Variants in DENND1C observed in about 807,000 individuals in gnomAD.
DENND1C encodes DENN domain-containing protein 1C.
DENND1C carries 64 observed loss-of-function variants against 87.9 expected under a neutral mutation model. The ratio of observed to expected loss-of-function variants is 0.73; its 90% CI spans 0.60 to 0.90. DENND1C has a LOEUF of 0.90. DENND1C is among the 40% of genes least tolerant of loss of function. The probability of loss-of-function intolerance (pLI) is 0.00; values close to 1 mark genes in which losing one functional copy is unlikely to be tolerated. For missense variants in DENND1C, 980 were observed against 1,037.0 expected, an observed-to-expected ratio of 0.95 and a Z score of 0.76; for synonymous variants, 384 against 424.4, an observed-to-expected ratio of 0.90 and a Z score of 1.17.
At position 6,477,201 on chromosome 19, in the gene DENND1C, C is replaced by T. The variant is rs758187283; in HGVS notation, c.513+17G>A. On this transcript the variant is annotated intron_variant, in intron 8 of 22. Transcript: ENST00000381480. Reference sequence around the variant, plus strand: ...ACCTGGACCCCCGACCTTCCAGGGTCCCCGAGCCCCGCTCACCGGCTTGCT... The same window carrying T: ...ACCTGGACCCCCGACCTTCCAGGGTTCCCGAGCCCCGCTCACCGGCTTGCT... 3.8e-6 allele frequency: 6 copies of T among 1,587,360 alleles called. No homozygotes were observed. The African/African-American group carries it at 6.8e-5, about 18-fold the overall frequency.
chr19:6,475,966 A>G, intron 10 of DENND1C, 29 bp from the exon 11 acceptor site: 1 of 1,529,960 alleles, frequency 6.5e-7, no homozygotes, highest in Non-Finnish European at 8.7e-7. Context: ...GCGTGGAGTC[A>G]GGGCCTGGAC....
At chr19:6,479,082 G>A in intron 4 of DENND1C, 26 bp from the exon 5 acceptor site, 1 of 1,613,286 alleles carries the variant, frequency 6.2e-7, no homozygotes, top group South Asian at 1.1e-5. Flanking sequence ...CTGTTAGAGA[G>A]ACCTGGACAT....
At chr19:6,478,001 G>T (rs768475999) in intron 6 of DENND1C, among the ~76,000 whole-genome samples, 1 of 151,830 alleles carries the variant, frequency 6.6e-6, no homozygotes, top group African/African-American at 2.4e-5. Flanking sequence ...CCTGAACCCG[G>T]AATGCGGAGG....
At chr19:6,476,760 C>A (rs1039411618) in intron 10 of DENND1C, 97 bp downstream of exon 10, 7 of 1,257,156 alleles carry the variant, frequency 5.6e-6, no homozygotes, top group Middle Eastern at 2.6e-4. Context: ...TCGGGTCTCG[C>A]GCAGTAGGGT....
chr19:6,468,714 G>C (rs2092810770), intron 20 of DENND1C, 69 bp from the exon 21 acceptor site: 1 of 1,392,418 alleles, frequency 7.2e-7, no homozygotes, highest in African/African-American at 1.4e-5. Flanking sequence ...TGCTGGAGAA[G>C]GGTGAGTGTG....
chr19:6,470,612 T>A (rs1057091657), intron 17 of DENND1C, among the ~76,000 whole-genome samples: 1 of 124,056 alleles, frequency 8.1e-6, no homozygotes, highest in South Asian at 2.3e-4. Context: ...AAAGAACAGT[T>A]TTTTTTTGTT....
At position 6,467,382 on chromosome 19, in the gene DENND1C, TG is replaced by T; in HGVS notation, c.*121del. ...GAGGCTGCCCTTGGAGGGACAGAGG[TG>T]GGTGGGATGGATTTCCGAGCAGAGT... On this transcript the variant is annotated 3_prime_UTR_variant, in exon 23 of 23. Coordinates refer to ENST00000381480, the MANE Select transcript of DENND1C (RefSeq NM_024898.4). The T allele has an allele frequency of 1.5e-6, 2 of 1,302,092 alleles. No homozygotes were observed. Among genetic ancestry groups the T allele is most frequent in the Middle Eastern group, 3.0e-4 (1 of 3,386 alleles). 80.7% of individuals were successfully genotyped at this position (1,302,092 alleles called of 1,614,324 possible).
Position 6,471,579 on chromosome 19 carries a change from T to C in DENND1C, c.1159-83A>G, listed in dbSNP as rs369875629. The C allele has an allele frequency of 3.3e-4, 440 of 1,320,786 alleles. 2 individuals carry two copies. The African/African-American group carries it at 5.8e-3, about 18-fold the overall frequency. 81.8% of individuals were successfully genotyped at this position (1,320,786 alleles called of 1,614,324 possible). ...TCGAAGCCTGCCTGCTGTCAAGATG[T>C]AGAAGCCATCTCTGGCCTCCAACCT... On this transcript the variant is annotated intron_variant, in intron 15 of 22. Transcript: ENST00000381480.
chr19:6,471,313 A>T lies in DENND1C; in HGVS notation c.1250-8T>A. 1.9e-6 allele frequency: 3 copies of T among 1,597,472 alleles called. No homozygotes were observed. Among genetic ancestry groups the T allele is most frequent in the Non-Finnish European group, 2.6e-6 (3 of 1,172,074 alleles). On this transcript the variant is annotated splice_region_variant and splice_polypyrimidine_tract_variant and intron_variant, in intron 16 of 22. Transcript: ENST00000381480. ...GATAGGATCGAAGGGCCCCTGGGGTAAGGAGAGAGTGTGGTGGTCACCGAA... is the reference window on the plus strand; with the variant it reads ...GATAGGATCGAAGGGCCCCTGGGGTTAGGAGAGAGTGTGGTGGTCACCGAA...
chr19:6,476,639 G>T, intron 10 of DENND1C: 1 of 559,526 alleles, frequency 1.8e-6, no homozygotes, highest in Non-Finnish European at 3.2e-6. Flanking sequence ...GGTGGAGCCT[G>T]AGCACAGTAC....
chr19:6,468,936 C>A lies in DENND1C; in HGVS notation c.1425G>T (p.Leu475=). 6.9e-7 allele frequency: 1 copy of A among 1,452,478 alleles called. No homozygotes were observed. Among genetic ancestry groups the A allele is most frequent in the Non-Finnish European group, 9.0e-7 (1 of 1,105,590 alleles). The allele number at this position is 1,452,478 out of a possible 1,614,324, so 90.0% of individuals were successfully genotyped here. The change falls in exon 20 of 23, where the codon CTG becomes CTT. Residue 475 remains leucine (L), a synonymous_variant. Transcript: ENST00000381480. ...LLMYKDGDSV[L]QRGGSLRAPA... is the part of the protein sequence containing the mutation. ...GGGCCCTCAGAGAGCCCCCCCTCTGCAGGACAGAGTCCCCATCCTAGGAAG... is the reference window on the plus strand; with the variant it reads ...GGGCCCTCAGAGAGCCCCCCCTCTGAAGGACAGAGTCCCCATCCTAGGAAG...
At chr19:6,469,723 G>GT in intron 18 of DENND1C, 83 bp from the exon 19 acceptor site, 4 of 1,468,904 alleles carry the variant, frequency 2.7e-6, no homozygotes, top group Non-Finnish European at 2.8e-6. Flanking sequence ...CCCTAAGATA[G>GT]CTTTTTTTTT....
Position 6,468,893 on chromosome 19 carries a change from A to C in DENND1C, c.1468T>G (p.Ser490Ala). Reference protein sequence around the residue: ...SLRAPALPSRSDRLQQRLPIT... With the variant: ...SLRAPALPSRADRLQQRLPIT... Reference sequence around the variant, plus strand: ...GGGAGGCGTTGCTGCAGGCGGTCTGAGCGGCTGGGGAGGGCTGGGGCCCTC... The same window carrying C: ...GGGAGGCGTTGCTGCAGGCGGTCTGCGCGGCTGGGGAGGGCTGGGGCCCTC... The change falls in exon 20 of 23, where the codon TCA (serine) becomes GCA (alanine). Residue 490 changes from serine (S) to alanine (A), a missense_variant. Physicochemically the swap from Ser to Ala is moderately conservative, Grantham distance 99. Transcript: ENST00000381480. The C allele has an allele frequency of 6.7e-7, 1 of 1,503,116 alleles. No individual in the cohort carries two copies. 93.1% of individuals were successfully genotyped at this position (1,503,116 alleles called of 1,614,324 possible). A position where few individuals can be genotyped will look rare whatever the true frequency, so the allele number is the denominator to read the frequency against.
Position 6,468,322 on chromosome 19 carries a change from C to T in DENND1C, c.1703G>A (p.Ser568Asn), listed in dbSNP as rs1568392074. The change falls in exon 22 of 23, where the codon AGC (serine) becomes AAC (asparagine). Residue 568 changes from serine (S) to asparagine (N), a missense_variant. Physicochemically the swap from Ser to Asn is conservative, Grantham distance 46. Coordinates refer to ENST00000381480, the MANE Select transcript of DENND1C (RefSeq NM_024898.4). ...GCTGCCTGCGCTCTTGGCTCCCATGCTAAGACTGTCCAGAATCTCGCTCAA... is the reference window on the plus strand; with the variant it reads ...GCTGCCTGCGCTCTTGGCTCCCATGTTAAGACTGTCCAGAATCTCGCTCAA... ...DLLSEILDSL[S>N]MGAKSAGSLR... 6.2e-7 allele frequency: 1 copy of T among 1,613,846 alleles called. No homozygotes were observed. Among genetic ancestry groups the T allele is most frequent in the East Asian group, 2.2e-5 (1 of 44,876 alleles).
intron 3 of DENND1C, 33 bp from the exon 4 acceptor site, chr19:6,479,751 C>T: frequency 6.2e-7 from 1 of 1,613,324 alleles, no homozygotes; most frequent in Non-Finnish European, 8.5e-7. Context: ...ACTGCTTGGC[C>T]ACTGAGGTCG....
chr19:6,481,670 G>A lies in DENND1C; in HGVS notation c.17+9C>T, dbSNP rs200463272. 69 of 1,610,796 alleles carry A rather than the reference G, an allele frequency of 4.3e-5. No individual in the cohort carries two copies. The East Asian group carries it at 1.5e-3, about 34-fold the overall frequency. On this transcript the variant is annotated intron_variant, in intron 1 of 22. Transcript: ENST00000381480. Reference sequence around the variant, plus strand: ...TGTACCAGAGAATGAGGGATGGGGTGGCTCTTACTCAGCTCTGGATTCCAT... The same window carrying A: ...TGTACCAGAGAATGAGGGATGGGGTAGCTCTTACTCAGCTCTGGATTCCAT...
In DENND1C at chr19:6,477,254, C is replaced by T. The variant is rs1380467835; in HGVS notation, c.477G>A (p.Gln159=). The change falls in exon 8 of 23, where the codon CAG becomes CAA. Residue 159 remains glutamine (Q), a synonymous_variant. Transcript: ENST00000381480. ...LGSGVTVSSG[Q]GIPPPTRGNS... ...TCCCCCGGGTAGGGGGGGGGATACC[C>T]TGCCCGCTGGAGACCGTCACTCCGC... 2.5e-6 allele frequency: 4 copies of T among 1,584,316 alleles called. No individual in the cohort carries two copies. Among genetic ancestry groups the T allele is most frequent in the Admixed American group, 1.8e-5 (1 of 55,610 alleles).
In DENND1C at chr19:6,480,017, C is replaced by A. The variant is rs372498127; in HGVS notation, c.52G>T (p.Glu18Ter). Residue 18 changes from glutamate (E) to a stop codon, truncating the protein, a stop_gained, in exon 2 of 23, where the codon GAA (glutamate) becomes TAA (stop). Transcript: ENST00000381480. LOFTEE classifies it high-confidence loss of function. ...GSPAVFDWFF[E>*]AACPASLQED... ...TGCAGGGAGGCAGGGCAGGCCGCTT[C>A]GAAGAACCAATCAAACACAGCAGGG... 2.5e-6 allele frequency: 4 copies of A among 1,607,158 alleles called. No homozygotes were observed. The highest frequency in any genetic ancestry group is 3.4e-6 in the Non-Finnish European group (4 of 1,177,032).
rs371219873 is a variant in DENND1C, at chr19:6,476,924, A to T, written c.611T>A (p.Ile204Asn). ...ELVVAVTDEN[I>N]VGLFAALLAE... ...CAGGAGCGCCGCGAACAGCCCCACG[A>T]TGTTCTCGTCAGTCACGGCCACCAC... Residue 204 changes from isoleucine (I) to asparagine (N), a missense_variant, in exon 10 of 23, where the codon ATC becomes AAC. Ile to Asn is a moderately radical substitution (Grantham distance 149). Coordinates refer to ENST00000381480, the MANE Select transcript of DENND1C (RefSeq NM_024898.4). 6.8e-6 allele frequency: 11 copies of T among 1,613,268 alleles called. No homozygotes were observed. In the African/African-American group the frequency reaches 1.5e-4, roughly 22 times the overall value.
Sources: gnomAD v4.1 joint callset for allele counts (sites outside exome capture counted in the v4.1 genomes callset) on GRCh38, gnomAD v4.1.1 for gene constraint, MANE v1.5 for transcripts, NCBI Gene and HGNC (gene_info 2026-07-23, HGNC 2026-07-21) for gene names.